Variants in KAZN observed in about 807,000 individuals in gnomAD.
KAZN encodes the protein kazrin.
A neutral mutation model predicts 87.4 loss-of-function variants in KAZN; 40 were observed. The ratio of observed to expected loss-of-function variants is 0.46; its 90% CI spans 0.36 to 0.60. The LOEUF is 0.60. Ranked by LOEUF, KAZN falls within the 20% of genes least tolerant of loss-of-function variation. The pLI is 0.00. For missense variants in KAZN, 898 were observed against 1,073.9 expected, an observed-to-expected ratio of 0.84 and a Z score of 2.29; for synonymous variants, 466 against 458.3, an observed-to-expected ratio of 1.02 and a Z score of -0.22.
intron 1 of KAZN, among the ~76,000 whole-genome samples, chr1:14,632,968 G>C (rs1679686026): frequency 6.6e-6 from 1 of 151,946 alleles, no homozygotes; most frequent in Admixed American, 6.6e-5. Flanking sequence ...CCAGGCTAAA[G>C]TGCAGTGGCG....
At chr1:14,665,139 T>TACCTGTGAC (rs1356706290) in intron 1 of KAZN, among the ~76,000 whole-genome samples, 1 of 152,192 alleles carries the variant, frequency 6.6e-6, no homozygotes, top group Non-Finnish European at 1.5e-5. Context: ...TCCACTTAGA[T>TACCTGTGAC]ACCTGTGACC....
chr1:15,013,883 A>ATT (rs1344386561), intron 2 of KAZN, among the ~76,000 whole-genome samples: 1 of 152,110 alleles, frequency 6.6e-6, no homozygotes, highest in African/African-American at 2.4e-5. Flanking sequence ...GGGCAGGGGC[A>ATT]TTTCAGGCAG....
chr1:14,766,741 G>A (rs1171081579), intron 1 of KAZN, among the ~76,000 whole-genome samples: 7 of 151,132 alleles, frequency 4.6e-5, no homozygotes, highest in East Asian at 3.9e-4. Context: ...GCAGTGTAGC[G>A]CACTGTTGCC....
intron 1 of KAZN, among the ~76,000 whole-genome samples, chr1:14,753,226 T>A (rs1432329991): frequency 1.3e-5 from 2 of 152,198 alleles, no homozygotes; most frequent in East Asian, 3.8e-4. Context: ...TTATTATTTT[T>A]AAATTTATTT....
At chr1:13,935,252 G>GTAGTAATAATAATAA (rs1553175647) in intron 1 of KAZN, among the ~76,000 whole-genome samples, 40 of 147,084 alleles carry the variant, frequency 2.7e-4, no homozygotes, top group African/African-American at 8.0e-4. Flanking sequence ...AGTAGTAGTA[G>GTAGTAATAATAATAA]TAATAATAAT....
intron 2 of KAZN, among the ~76,000 whole-genome samples, chr1:14,417,955 C>T (rs184066369): frequency 1.9e-3 from 228 of 121,550 alleles, no homozygotes; most frequent in Non-Finnish European, 1.4e-3. Context: ...GAAATCACAC[C>T]ACTGCACTCC....
intron 1 of KAZN, among the ~76,000 whole-genome samples, chr1:14,883,355 A>AAAGGAAAGAAAGAAAGAAAGAAAG (rs1449958306): frequency 4.9e-5 from 1 of 20,600 alleles, no homozygotes; most frequent in African/African-American, 1.5e-4. Context: ...AGAAAGAAAG[A>AAAGGAAAGAAAGAAAGAAAGAAAG]AAAGAAAGAA....
chr1:14,439,591 C>T (rs1666585494), intron 2 of KAZN, among the ~76,000 whole-genome samples: 1 of 152,174 alleles, frequency 6.6e-6, no homozygotes, highest in Non-Finnish European at 1.5e-5. Flanking sequence ...AGTATGGTAG[C>T]CACTGGCCAC....
At position 15,077,490 on chromosome 1, in the gene KAZN, G is replaced by A. The variant is rs1369734823; in HGVS notation, c.1222+11737G>A. Among the ~76,000 whole-genome samples, 1 of 152,230 alleles carries A rather than the reference G, an allele frequency of 6.6e-6. No homozygotes were observed. Among genetic ancestry groups the A allele is most frequent in the East Asian group, 1.9e-4 (1 of 5,196 alleles). On this transcript the variant is annotated intron_variant, in intron 8 of 14. Transcript: ENST00000376030. The surrounding 1 kb of genome is among the most constrained non-coding windows in gnomAD (Gnocchi z 4.8). ...GGGAGTGGCAGTGGAGAAGGGAAAA[G>A]GGGTCTTCGCTCAGCACTGCCCTCG...
At chr1:14,419,212 C>T (rs988407733) in intron 2 of KAZN, among the ~76,000 whole-genome samples, 2 of 152,202 alleles carry the variant, frequency 1.3e-5, no homozygotes, top group Non-Finnish European at 2.9e-5. Context: ...GCTGTGAGGA[C>T]ACTGTTCCTG....
intron 1 of KAZN, among the ~76,000 whole-genome samples, chr1:13,991,108 C>G (rs1225725686): frequency 6.6e-6 from 1 of 151,884 alleles, no homozygotes; most frequent in Admixed American, 6.6e-5. Context: ...CAGTGGTATG[C>G]TGGTAAATGT....
rs549141223 is a variant in KAZN at position 14,837,613 on chromosome 1, C to A, written c.227-123071C>A. Among the ~76,000 whole-genome samples, 13 of 146,752 alleles carry A rather than the reference C, an allele frequency of 8.9e-5. No homozygotes were observed. The South Asian group carries it at 2.6e-3, about 29-fold the overall frequency. On this transcript the variant is annotated intron_variant, in intron 1 of 14. Transcript: ENST00000376030. ...TGTCACCCAGGCTGGAGTGCAATAG[C>A]GCAATCATAGCTCACTGCAGCCTCA... is the stretch of plus-strand genomic sequence containing the variant.
At chr1:14,337,958 G>A (rs1449138311) in intron 2 of KAZN, among the ~76,000 whole-genome samples, 1 of 151,042 alleles carries the variant, frequency 6.6e-6, no homozygotes, top group Non-Finnish European at 1.5e-5. Context: ...ATCTGCTGCT[G>A]TCACTCTTGA....
At chr1:14,082,948 C>G (rs1236371923) in intron 1 of KAZN, among the ~76,000 whole-genome samples, 1 of 152,220 alleles carries the variant, frequency 6.6e-6, no homozygotes, top group East Asian at 1.9e-4. Flanking sequence ...GTAATCCCAG[C>G]ACTTTGGGAG....
chr1:14,752,476 A>C (rs1399240408), intron 1 of KAZN, among the ~76,000 whole-genome samples: 1 of 152,206 alleles, frequency 6.6e-6, no homozygotes, highest in Non-Finnish European at 1.5e-5. Flanking sequence ...TTTATCTCTC[A>C]TAGCTCTGGA....
chr1:14,345,451 G>A (rs1031287504), intron 2 of KAZN, among the ~76,000 whole-genome samples: 1 of 151,968 alleles, frequency 6.6e-6, no homozygotes, highest in African/African-American at 2.4e-5. Context: ...GAAACAGATG[G>A]AATTAATTTC....
At chr1:14,439,114 T>C (rs1393106711) in intron 2 of KAZN, among the ~76,000 whole-genome samples, 7 of 152,128 alleles carry the variant, frequency 4.6e-5, no homozygotes, top group Admixed American at 3.3e-4. Flanking sequence ...ACACAAAATA[T>C]CCAAAACTGA....
At chr1:14,637,387 C>A (rs933321252) in intron 1 of KAZN, among the ~76,000 whole-genome samples, 5 of 152,092 alleles carry the variant, frequency 3.3e-5, no homozygotes, top group African/African-American at 1.2e-4. Flanking sequence ...CGGGAGGGGG[C>A]AGGTAGGATT....
chr1:14,157,272 T>C (rs1645615242), intron 1 of KAZN, among the ~76,000 whole-genome samples: 3 of 152,186 alleles, frequency 2.0e-5, no homozygotes, highest in African/African-American at 7.2e-5. Context: ...GTAACAGTAA[T>C]TTACATATCA....
Sources: gnomAD v4.1 joint callset for allele counts (sites outside exome capture counted in the v4.1 genomes callset) on GRCh38, gnomAD v4.1.1 for gene constraint, Gnocchi (gnomAD v3.1) non-coding constraint, MANE v1.5 for transcripts, NCBI Gene and HGNC (gene_info 2026-07-23, HGNC 2026-07-21) for gene names.